Variants in MCTP1 observed in about 807,000 individuals in gnomAD.
The protein encoded by MCTP1 is multiple C2 and transmembrane domain-containing protein 1.
Under a neutral mutation model 120.6 loss-of-function variants are expected in MCTP1, and 69 were observed. That is an observed-to-expected ratio of 0.57 (90% confidence interval 0.47 to 0.70). The LOEUF (loss-of-function observed/expected upper bound fraction) is 0.70. MCTP1 is among the 30% of genes least tolerant of loss of function. The probability of loss-of-function intolerance (pLI) is 0.00; values close to 1 mark genes in which losing one functional copy is unlikely to be tolerated. For synonymous variants in MCTP1, 529 were observed against 493.1 expected (o/e 1.07, Z -0.96); for missense variants, 1,203 against 1,248.8 (o/e 0.96, Z 0.55).
chr5:95,098,735 T>G (rs975601838), intron 1 of MCTP1, among the ~76,000 whole-genome samples: 1 of 152,106 alleles, frequency 6.6e-6, no homozygotes, highest in Admixed American at 6.5e-5. Flanking sequence ...CCCATCAAGC[T>G]ACCAATGATT....
intron 19 of MCTP1, among the ~76,000 whole-genome samples, chr5:94,767,951 T>C (rs1248086595): frequency 6.6e-6 from 1 of 152,014 alleles, no homozygotes; most frequent in Non-Finnish European, 1.5e-5. Context: ...GCCAAAGCAA[T>C]CCAGTGCAAA....
chr5:95,282,765 A>G (rs535167957), intron 1 of MCTP1, among the ~76,000 whole-genome samples: 4 of 152,326 alleles, frequency 2.6e-5, no homozygotes, highest in South Asian at 2.1e-4. Context: ...TACTTTCTGG[A>G]GCTACACTAA....
intron 1 of MCTP1, among the ~76,000 whole-genome samples, chr5:95,122,539 G>A (rs551304218): frequency 5.3e-4 from 81 of 152,192 alleles, no homozygotes; most frequent in South Asian, 2.1e-4. Flanking sequence ...AAACCCTCCC[G>A]CACTCTGGGT....
At chr5:94,949,818 T>C (rs1241452462) in intron 3 of MCTP1, among the ~76,000 whole-genome samples, 1 of 152,174 alleles carries the variant, frequency 6.6e-6, no homozygotes, top group African/African-American at 2.4e-5. Flanking sequence ...CTAAGAAATC[T>C]TTTGGGCAAG....
chr5:94,747,408 T>C (rs1015392717), intron 19 of MCTP1, among the ~76,000 whole-genome samples: 1 of 152,176 alleles, frequency 6.6e-6, no homozygotes, highest in Non-Finnish European at 1.5e-5. Flanking sequence ...ATCTCTTGGA[T>C]AGCTTCCAAT....
At chr5:95,094,545 C>G (rs1176990365) in intron 1 of MCTP1, among the ~76,000 whole-genome samples, 1 of 152,010 alleles carries the variant, frequency 6.6e-6, no homozygotes, top group Admixed American at 6.5e-5. Context: ...TTTTAAATAA[C>G]TCATTCATTT....
chr5:95,040,369 C>T (rs532260881), intron 1 of MCTP1, among the ~76,000 whole-genome samples: 42 of 150,836 alleles, frequency 2.8e-4, no homozygotes, highest in Admixed American at 1.1e-3. Flanking sequence ...ACCTGAGAGG[C>T]GGAAGGTTGC....
intron 1 of MCTP1, among the ~76,000 whole-genome samples, chr5:95,110,339 T>A (rs1334448499): frequency 6.6e-6 from 1 of 152,018 alleles, no homozygotes; most frequent in Admixed American, 6.6e-5. Context: ...CAGTGGAGTG[T>A]AAGTATTAGA....
Position 95,165,256 on chromosome 5 carries a change from G to A in MCTP1, c.720+118600C>T, listed in dbSNP as rs142237467. Reference sequence around the variant, plus strand: ...TCTGATACAATTTCATTTTGTATTAGGATGGAGCAAAAGTAATGGCAAAAA... The same window carrying A: ...TCTGATACAATTTCATTTTGTATTAAGATGGAGCAAAAGTAATGGCAAAAA... On this transcript the variant is annotated intron_variant, in intron 1 of 22. Transcript: ENST00000515393. Among the ~76,000 whole-genome samples the A allele has an allele frequency of 4.5e-3, 679 of 152,286 alleles. 1 individual carries two copies. Among genetic ancestry groups the A allele is most frequent in the Non-Finnish European group, 7.1e-3 (485 of 68,026 alleles).
At chr5:94,726,286 G>A (rs1326226059) in intron 19 of MCTP1, among the ~76,000 whole-genome samples, 1 of 152,164 alleles carries the variant, frequency 6.6e-6, no homozygotes, top group Non-Finnish European at 1.5e-5. Flanking sequence ...CCACCCACTG[G>A]AAGTTGTATG....
rs1177900648 is a variant in MCTP1 at position 94,704,193 on chromosome 5, T to G, written c.*3303A>C. ...TAATCAAACCAACGAATAGACATCATCTGTACACTCACTCACACTAGAGTG... is the reference window on the plus strand; with the variant it reads ...TAATCAAACCAACGAATAGACATCAGCTGTACACTCACTCACACTAGAGTG... On this transcript the variant is annotated 3_prime_UTR_variant, in exon 23 of 23. Transcript: ENST00000515393. 1.4e-5 allele frequency: 2 copies of G among 146,214 alleles called. No homozygotes were observed. Among genetic ancestry groups the G allele is most frequent in the African/African-American group, 5.1e-5 (2 of 39,558 alleles). The allele number at this position is 146,214 out of a possible 1,614,324, so 9.1% of individuals were successfully genotyped here.
chr5:95,117,741 T>C (rs1757924564), intron 1 of MCTP1, among the ~76,000 whole-genome samples: 1 of 152,070 alleles, frequency 6.6e-6, no homozygotes, highest in African/African-American at 2.4e-5. Flanking sequence ...CTATTCACAA[T>C]AGAAAAGACA....
At chr5:95,122,390 A>G (rs1758309209) in intron 1 of MCTP1, among the ~76,000 whole-genome samples, 1 of 152,236 alleles carries the variant, frequency 6.6e-6, no homozygotes, top group African/African-American at 2.4e-5. Context: ...AAACAGGTAT[A>G]TGAAATGGTG....
At position 94,809,955 on chromosome 5, in the gene MCTP1, G is replaced by GA. The variant is rs912611455; in HGVS notation, c.2437-10824dup. The stretch of plus-strand genomic sequence containing the variant: ...CATGCTTTAATTATTTTCTAAGGAA[G>GA]AAAAAAAAGTGTTTTAATGTTGGAT... On this transcript the variant is annotated intron_variant, in intron 17 of 22. Transcript: ENST00000515393. Among the ~76,000 whole-genome samples, 7 of 151,674 alleles carry GA rather than the reference G, an allele frequency of 4.6e-5. 1 individual carries two copies. Among genetic ancestry groups the GA allele is most frequent in the East Asian group, 1.9e-4 (1 of 5,164 alleles).
chr5:95,013,774 T>C (rs986982506), intron 2 of MCTP1, among the ~76,000 whole-genome samples: 1 of 152,112 alleles, frequency 6.6e-6, no homozygotes, highest in Non-Finnish European at 1.5e-5. Context: ...AGGAGATAAG[T>C]ATTGTTTTCA....
At position 94,870,498 on chromosome 5, in the gene MCTP1, A is replaced by G. The variant is rs753734205; in HGVS notation, c.2242-7T>C. ...TTCGTAAGCTGGCTTTCACCTATAC[A>G]TCAACATATGTGTCTGTTATGGATT... On this transcript the variant is annotated splice_region_variant and splice_polypyrimidine_tract_variant and intron_variant, in intron 15 of 22. Transcript: ENST00000515393. 2.6e-6 allele frequency: 4 copies of G among 1,562,162 alleles called. No individual in the cohort carries two copies. Among genetic ancestry groups the G allele is most frequent in the Admixed American group, 3.3e-5 (2 of 59,872 alleles).
At chr5:94,760,045 T>C (rs1770970417) in intron 19 of MCTP1, among the ~76,000 whole-genome samples, 1 of 150,456 alleles carries the variant, frequency 6.6e-6, no homozygotes. Context: ...AAATAACTTA[T>C]CTGGAAAAAA....
intron 1 of MCTP1, among the ~76,000 whole-genome samples, chr5:95,166,774 A>C (rs1411594362): frequency 6.6e-6 from 1 of 151,846 alleles, no homozygotes; most frequent in Non-Finnish European, 1.5e-5. Flanking sequence ...TCACCGTGTT[A>C]GCCAGGATGG....
rs1274022459 is a variant in MCTP1, at chr5:94,862,937, T to G, written c.2436+5396A>C. 8.6e-5 allele frequency among the ~76,000 whole-genome samples: 13 copies of G among 151,986 alleles called. No homozygotes were observed. The South Asian group carries it at 2.7e-3, about 31-fold the overall frequency. On this transcript the variant is annotated intron_variant, in intron 17 of 22. Transcript: ENST00000515393. ...CTTCTAAGTGTCAATACTTCTTGAC[T>G]CTGCAAAAGGAAGTTAGGGCAACCT...
Sources: allele counts gnomAD v4.1 joint callset (sites outside exome capture counted in the v4.1 genomes callset), GRCh38; gene constraint gnomAD v4.1.1; transcripts MANE v1.5; gene names NCBI Gene and HGNC (gene_info 2026-07-23, HGNC 2026-07-21).